The following GXYLT1 variants were observed in gnomAD, a reference collection of about 807,000 sequenced individuals.
GXYLT1 encodes glycosyltransferase 8 domain containing 3.
In GXYLT1, 29 loss-of-function variants were observed where a neutral mutation model predicts 54.0. The ratio of observed to expected loss-of-function variants is 0.54; its 90% CI spans 0.40 to 0.73. The LOEUF (loss-of-function observed/expected upper bound fraction) is 0.73. Ranked by LOEUF, GXYLT1 falls within the 30% of genes least tolerant of loss-of-function variation. GXYLT1 has a pLI of 0.00. For synonymous variants in GXYLT1, 176 were observed against 204.1 expected, an observed-to-expected ratio of 0.86 and a Z score of 1.17; for missense variants, 490 against 553.4, an observed-to-expected ratio of 0.89 and a Z score of 1.15.
chr12:42,135,469 A>G (rs1461258830), intron 1 of GXYLT1, among the ~76,000 whole-genome samples: 2 of 152,206 alleles, frequency 1.3e-5, no homozygotes, highest in Non-Finnish European at 2.9e-5. Context: ...TCCTCAGTAT[A>G]TACTCAAGAG....
At chr12:42,130,725 T>C (rs1013285220) in intron 1 of GXYLT1, among the ~76,000 whole-genome samples, 2 of 151,952 alleles carry the variant, frequency 1.3e-5, no homozygotes, top group African/African-American at 4.8e-5. Context: ...CTGAGGTAGG[T>C]AGACTGCTTG....
intron 4 of GXYLT1, among the ~76,000 whole-genome samples, chr12:42,107,462 G>A (rs1051264696): frequency 7.2e-5 from 11 of 152,126 alleles, no homozygotes; most frequent in African/African-American, 2.4e-4. Context: ...AGGCTGAGGC[G>A]GGCAGATCAC....
intron 6 of GXYLT1, 123 bp from the exon 7 acceptor site, chr12:42,097,737 C>G: frequency 9.4e-7 from 1 of 1,065,104 alleles, no homozygotes; most frequent in Non-Finnish European, 1.4e-6. Context: ...AAATGTCTGG[C>G]ATTTAGATCT....
chr12:42,096,665 G>A (rs2065357551), intron 7 of GXYLT1, among the ~76,000 whole-genome samples: 1 of 152,088 alleles, frequency 6.6e-6, no homozygotes, highest in South Asian at 2.1e-4. Context: ...AGATTGTTTT[G>A]GGCAAGAACC....
At chr12:42,121,744 T>C (rs919617031) in intron 2 of GXYLT1, among the ~76,000 whole-genome samples, 3 of 152,028 alleles carry the variant, frequency 2.0e-5, no homozygotes, top group African/African-American at 7.3e-5. Flanking sequence ...CTGCCAGCAC[T>C]CCTTTCACCA....
At chr12:42,141,447 T>A (rs2065651952) in intron 1 of GXYLT1, among the ~76,000 whole-genome samples, 1 of 151,958 alleles carries the variant, frequency 6.6e-6, no homozygotes, top group Admixed American at 6.6e-5. Flanking sequence ...TATTACAAAT[T>A]AAGTAAGGTA....
At position 42,086,754 on chromosome 12, in the gene GXYLT1, A is replaced by G. The variant is rs2136867652; in HGVS notation, c.*1032T>C. The G allele has an allele frequency of 6.6e-6, 1 of 152,330 alleles. No individual in the cohort carries two copies. Among genetic ancestry groups the G allele is most frequent in the Non-Finnish European group, 1.5e-5 (1 of 68,026 alleles). 9.4% of individuals were successfully genotyped at this position (152,330 alleles called of 1,614,324 possible). A position where few individuals can be genotyped will look rare whatever the true frequency, so the allele number is the denominator to read the frequency against. ...TCCACTTAAGTTGTTTAACTTACTT[A>G]AAGTAAGGCTCTAGACATTTGCTTC... On this transcript the variant is annotated 3_prime_UTR_variant, in exon 8 of 8. Coordinates refer to ENST00000398675, the MANE Select transcript of GXYLT1 (RefSeq NM_173601.2).
intron 1 of GXYLT1, among the ~76,000 whole-genome samples, chr12:42,142,445 TC>T (rs2065657074): frequency 6.6e-6 from 1 of 151,882 alleles, no homozygotes; most frequent in African/African-American, 2.4e-5. Context: ...CAAGTGATCC[TC>T]CCACCTTAGC....
chr12:42,137,341 T>C (rs1340678102), intron 1 of GXYLT1, among the ~76,000 whole-genome samples: 1 of 151,432 alleles, frequency 6.6e-6, no homozygotes. Flanking sequence ...ACCCTGTCTC[T>C]ACTAAAAACA....
At chr12:42,099,464 T>C (rs796316498) in intron 5 of GXYLT1, among the ~76,000 whole-genome samples, 10 of 152,354 alleles carry the variant, frequency 6.6e-5, no homozygotes, top group African/African-American at 2.2e-4. Context: ...ATAATAATTC[T>C]ACATCCTATC....
At position 42,115,356 on chromosome 12, in the gene GXYLT1, T is replaced by C. The variant is rs552212435; in HGVS notation, c.486+3644A>G. On this transcript the variant is annotated intron_variant, in intron 3 of 7. Coordinates refer to ENST00000398675, the MANE Select transcript of GXYLT1 (RefSeq NM_173601.2). Reference sequence around the variant, plus strand: ...AAGTCAAATTGTTCCTGTTTGCAGATGACATGATTGTATATCTAGAAAACC... The same window carrying C: ...AAGTCAAATTGTTCCTGTTTGCAGACGACATGATTGTATATCTAGAAAACC... 1.1e-4 allele frequency among the ~76,000 whole-genome samples: 17 copies of C among 152,314 alleles called. No homozygotes were observed. In the East Asian group the frequency reaches 2.7e-3, roughly 24 times the overall value.
chr12:42,103,557 T>C (rs569536901), intron 5 of GXYLT1, among the ~76,000 whole-genome samples: 1 of 152,072 alleles, frequency 6.6e-6, no homozygotes, highest in Non-Finnish European at 1.5e-5. Flanking sequence ...GCTATAGATA[T>C]AAAGATCAAG....
At chr12:42,118,487 A>C (rs905979344) in intron 3 of GXYLT1, among the ~76,000 whole-genome samples, 5 of 152,240 alleles carry the variant, frequency 3.3e-5, no homozygotes, top group African/African-American at 1.2e-4. Context: ...ATCTGGACTC[A>C]GATGGAAGTG....
rs2065441125 is a variant in GXYLT1 at position 42,109,692 on chromosome 12, C to G, written c.487-1G>C. Reference sequence around the variant, plus strand: ...TTTGTAGAAATGACCAGTTGTCAAGCTAAAACAATTTAAAAAAAAACTGTT... The same window carrying G: ...TTTGTAGAAATGACCAGTTGTCAAGGTAAAACAATTTAAAAAAAAACTGTT... On this transcript the variant is annotated splice_acceptor_variant, in intron 3 of 7. Transcript: ENST00000398675. LOFTEE classifies it high-confidence loss of function. 1 of 1,477,884 alleles carries G rather than the reference C, an allele frequency of 6.8e-7. No homozygotes were observed. The allele number at this position is 1,477,884 out of a possible 1,614,324, so 91.5% of individuals were successfully genotyped here.
chr12:42,111,389 G>T (rs954732065), intron 3 of GXYLT1, among the ~76,000 whole-genome samples: 1 of 152,222 alleles, frequency 6.6e-6, no homozygotes, highest in Non-Finnish European at 1.5e-5. Context: ...GTCAAAGAAA[G>T]GGGTGACAGA....
chr12:42,116,150 C>A (rs367573522), intron 3 of GXYLT1, among the ~76,000 whole-genome samples: 423 of 151,846 alleles, frequency 2.8e-3, no homozygotes, highest in African/African-American at 8.6e-3. Context: ...TAAAGACTTA[C>A]ATGTTAGACC....
intron 5 of GXYLT1, among the ~76,000 whole-genome samples, chr12:42,104,532 T>A (rs1383244410): frequency 1.4e-5 from 2 of 144,508 alleles, no homozygotes; most frequent in African/African-American, 5.3e-5. Flanking sequence ...ATCAGAATTT[T>A]AAAAAGATTC....
chr12:42,134,795 T>C (rs1242880862), intron 1 of GXYLT1, among the ~76,000 whole-genome samples: 1 of 152,232 alleles, frequency 6.6e-6, no homozygotes, highest in African/African-American at 2.4e-5. Context: ...TTAGTAGAAA[T>C]ATAAATTAAT....
chr12:42,099,274 T>G (rs922150839), intron 5 of GXYLT1, among the ~76,000 whole-genome samples: 9 of 152,210 alleles, frequency 5.9e-5, no homozygotes, highest in African/African-American at 2.2e-4. Context: ...GAGACCATAC[T>G]ACGCTACTTG....
Sources: allele counts gnomAD v4.1 joint callset (sites outside exome capture counted in the v4.1 genomes callset), GRCh38; gene constraint gnomAD v4.1.1; transcripts MANE v1.5; gene names NCBI Gene and HGNC (gene_info 2026-07-23, HGNC 2026-07-21).